The following SNAP23 variants were observed in gnomAD, a reference collection of about 807,000 sequenced individuals.
SNAP23 encodes the protein synaptosomal-associated protein 23.
In SNAP23, 11 loss-of-function variants were observed where a neutral mutation model predicts 29.0. The ratio of observed to expected loss-of-function variants is 0.38; its 90% confidence interval spans 0.24 to 0.63. The LOEUF is 0.63. Ranked by LOEUF, SNAP23 falls within the 20% of genes least tolerant of loss-of-function variation. The probability of loss-of-function intolerance (pLI) is 0.58; values close to 1 mark genes in which losing one functional copy is unlikely to be tolerated. For synonymous variants in SNAP23, 60 were observed against 82.9 expected (o/e 0.72, Z 1.50); for missense variants, 220 against 253.9 (o/e 0.87, Z 0.91).
intron 1 of SNAP23, among the ~76,000 whole-genome samples, chr15:42,501,842 A>G (rs1427335934): frequency 1.3e-5 from 2 of 152,186 alleles, no homozygotes; most frequent in East Asian, 3.8e-4. Context: ...TAAAGTAAGC[A>G]TTATTCTCAT....
At chr15:42,510,913 C>G (rs1028452839) in intron 1 of SNAP23, among the ~76,000 whole-genome samples, 1 of 152,028 alleles carries the variant, frequency 6.6e-6, no homozygotes, top group Non-Finnish European at 1.5e-5. Context: ...CAAGCAACTC[C>G]AGACATTGCC....
At chr15:42,520,596 G>A (rs888256550) in intron 5 of SNAP23, among the ~76,000 whole-genome samples, 16 of 152,034 alleles carry the variant, frequency 1.1e-4, no homozygotes, top group African/African-American at 3.1e-4. Context: ...CCGGGTTCAC[G>A]CCATTCTCCT....
chr15:42,524,431 A>G (rs2057478143), intron 5 of SNAP23, among the ~76,000 whole-genome samples: 1 of 152,180 alleles, frequency 6.6e-6, no homozygotes, highest in South Asian at 2.1e-4. Flanking sequence ...TGGTCCTCAT[A>G]GCAGGAGGTG....
intron 1 of SNAP23, among the ~76,000 whole-genome samples, chr15:42,508,563 GA>G (rs2057333833): frequency 2.0e-5 from 3 of 152,238 alleles, no homozygotes; most frequent in East Asian, 3.9e-4. Context: ...ATATTAAGCA[GA>G]ACTTCGAGTT....
In SNAP23 at chr15:42,532,027, C is replaced by T. The variant is rs1181042796; in HGVS notation, c.*549C>T. 1 of 151,718 alleles carries T rather than the reference C, an allele frequency of 6.6e-6. No homozygotes were observed. The highest frequency in any genetic ancestry group is 2.4e-5 in the African/African-American group (1 of 41,290). The allele number at this position is 151,718 out of a possible 1,614,324, so 9.4% of individuals were successfully genotyped here. A position where few individuals can be genotyped will look rare whatever the true frequency, so the allele number is the denominator to read the frequency against. On this transcript the variant is annotated 3_prime_UTR_variant, in exon 8 of 8. Coordinates refer to ENST00000249647, the MANE Select transcript of SNAP23 (RefSeq NM_003825.4). ...TTGGTTTTGGAGCTTTTATACACAA[C>T]GTTTTTGTTAGGCATCACAGTTTTG...
chr15:42,529,470 T>C (rs1190898027), intron 6 of SNAP23, among the ~76,000 whole-genome samples: 1 of 152,208 alleles, frequency 6.6e-6, no homozygotes, highest in Non-Finnish European at 1.5e-5. Flanking sequence ...TTCTTTCTTT[T>C]CTTACATGGC....
intron 1 of SNAP23, chr15:42,505,283 T>C (rs1595517425): frequency 6.6e-6 from 1 of 152,366 alleles, no homozygotes; most frequent in Non-Finnish European, 1.5e-5. Flanking sequence ...CAGTCTGGTC[T>C]TGAACTACTG....
intron 5 of SNAP23, 155 bp from the exon 6 acceptor site, chr15:42,528,107 T>C: frequency 1.7e-6 from 1 of 582,502 alleles, no homozygotes; most frequent in Non-Finnish European, 3.0e-6. Context: ...CTATTCCATA[T>C]TGCCATGGAG....
In SNAP23 at chr15:42,513,350, GT is replaced by G. The variant is rs752123301; in HGVS notation, c.100-44del. 4.5e-6 allele frequency: 7 copies of G among 1,540,158 alleles called. No individual in the cohort carries two copies. In the East Asian group the frequency reaches 1.3e-4, roughly 30 times the overall value. On this transcript the variant is annotated intron_variant, in intron 3 of 7. Coordinates refer to ENST00000249647, the MANE Select transcript of SNAP23 (RefSeq NM_003825.4). ...TGCTCTTGTAGGTTTTGTTTCTGTTGTTTTTGGTTTGTTTTGTTGTACTATC... is the reference window on the plus strand; with the variant it reads ...TGCTCTTGTAGGTTTTGTTTCTGTTGTTTTGGTTTGTTTTGTTGTACTATC...
intron 5 of SNAP23, among the ~76,000 whole-genome samples, chr15:42,520,573 C>T (rs1312713436): frequency 6.6e-6 from 1 of 152,088 alleles, no homozygotes; most frequent in Non-Finnish European, 1.5e-5. Flanking sequence ...CGGCTCACTG[C>T]AAGCTCCGCC....
intron 5 of SNAP23, among the ~76,000 whole-genome samples, chr15:42,520,524 T>G (rs62019287): frequency 0.11 from 17,489 of 152,100 alleles, 1,137 homozygotes; most frequent in Non-Finnish European, 0.15. Context: ...AGATGGTGTC[T>G]CGCTCTGTTG....
chr15:42,520,614 C>G (rs1005494953), intron 5 of SNAP23, among the ~76,000 whole-genome samples: 1 of 152,118 alleles, frequency 6.6e-6, no homozygotes, highest in Non-Finnish European at 1.5e-5. Context: ...CCTGCCTCAG[C>G]CTCTCGGGTA....
At chr15:42,521,494 T>G in intron 5 of SNAP23, 1 of 1,357,382 alleles carries the variant, frequency 7.4e-7, no homozygotes, top group Non-Finnish European at 9.5e-7. Flanking sequence ...GGAAATTGAA[T>G]GCATTATGTT....
intron 5 of SNAP23, among the ~76,000 whole-genome samples, chr15:42,519,632 C>T (rs1032426812): frequency 1.3e-5 from 2 of 151,532 alleles, no homozygotes; most frequent in Non-Finnish European, 2.9e-5. Flanking sequence ...GGCCTCCCAA[C>T]GTGCTGGGGT....
At chr15:42,513,766 A>G (rs2057376464) in intron 4 of SNAP23, among the ~76,000 whole-genome samples, 1 of 143,132 alleles carries the variant, frequency 7.0e-6, no homozygotes, top group Non-Finnish European at 1.5e-5. Context: ...ACACCCAACT[A>G]TGTTTTTCTT....
At chr15:42,516,956 G>C (rs1227975458) in intron 5 of SNAP23, among the ~76,000 whole-genome samples, 4 of 152,170 alleles carry the variant, frequency 2.6e-5, no homozygotes, top group African/African-American at 9.7e-5. Context: ...GTCTCGCTCT[G>C]TCACCCAGGC....
intron 1 of SNAP23, among the ~76,000 whole-genome samples, chr15:42,501,618 C>T (rs1046318623): frequency 1.3e-5 from 2 of 151,900 alleles, no homozygotes; most frequent in Non-Finnish European, 1.5e-5. Context: ...TGCTTTACTA[C>T]CCAGGCTGGT....
chr15:42,512,421 C>T (rs1389377919), intron 2 of SNAP23: 1 of 143,564 alleles, frequency 7.0e-6, no homozygotes, highest in Non-Finnish European at 1.5e-5. Flanking sequence ...CTCTATTGCC[C>T]AGGCTGGAGT....
intron 1 of SNAP23, among the ~76,000 whole-genome samples, chr15:42,499,121 T>A (rs2141498881): frequency 6.6e-6 from 1 of 150,698 alleles, no homozygotes; most frequent in African/African-American, 2.4e-5. Flanking sequence ...CAGGCTGGAG[T>A]ACAATATCTT....
Sources: allele counts gnomAD v4.1 joint callset (sites outside exome capture counted in the v4.1 genomes callset), GRCh38; gene constraint gnomAD v4.1.1; transcripts MANE v1.5; gene names NCBI Gene and HGNC (gene_info 2026-07-23, HGNC 2026-07-21).